The following ARRB1 variants were observed in gnomAD, a reference collection of about 807,000 sequenced individuals.
ARRB1 encodes beta-arrestin-1.
Under a neutral mutation model 56.8 loss-of-function variants are expected in ARRB1, and 21 were observed. The observed-to-expected ratio is 0.37, with a 90% CI of 0.26 to 0.53. ARRB1 has a LOEUF of 0.53. Among genes scored for constraint, ARRB1 ranks in the 20% least tolerant of loss-of-function variants. ARRB1 has a pLI of 0.88. For missense variants in ARRB1, 424 were observed against 553.7 expected (o/e 0.77, Z 2.35); for synonymous variants, 210 against 218.6 (o/e 0.96, Z 0.35).
chr11:75,280,670 C>G (rs1946313098), intron 7 of ARRB1, among the ~76,000 whole-genome samples: 1 of 152,262 alleles, frequency 6.6e-6, no homozygotes, highest in Admixed American at 6.5e-5. Context: ...CATTGACACA[C>G]ACTCCACTCC....
chr11:75,294,345 T>C (rs1257587035), intron 1 of ARRB1, among the ~76,000 whole-genome samples: 1 of 151,878 alleles, frequency 6.6e-6, no homozygotes, highest in African/African-American at 2.4e-5. Flanking sequence ...TCACTTGAGG[T>C]CAGGAGTTCA....
At chr11:75,308,026 G>T (rs1947068755) in intron 1 of ARRB1, among the ~76,000 whole-genome samples, 1 of 152,234 alleles carries the variant, frequency 6.6e-6, no homozygotes, top group Non-Finnish European at 1.5e-5. Context: ...TGGCTAAAGT[G>T]GAATAAAGCA....
rs1426246572 is a variant in ARRB1 at position 75,284,268 on chromosome 11, G to A, written c.124C>T (p.Leu42=). Reference sequence around the variant, plus strand: ...TCTTTGAGATACTCAGGATCCACCAGGACCACACCATCTGGGGAAAGGACA... The same window carrying A: ...TCTTTGAGATACTCAGGATCCACCAAGACCACACCATCTGGGGAAAGGACA... ...DLVDPVDGVV[L]VDPEYLKERR... is the part of the protein sequence containing the mutation. The change falls in exon 4 of 16, where the codon CTG becomes TTG. Residue 42 remains leucine (L), a synonymous_variant. Coordinates refer to ENST00000420843, the MANE Select transcript of ARRB1 (RefSeq NM_004041.5). The A allele has an allele frequency of 1.2e-6, 2 of 1,608,354 alleles. No homozygotes were observed. The highest frequency in any genetic ancestry group is 1.7e-6 in the Non-Finnish European group (2 of 1,176,044).
rs1435475392 is a variant in ARRB1, at chr11:75,262,488, A to G, written c.*3675T>C. On this transcript the variant is annotated 3_prime_UTR_variant, in exon 16 of 16. Coordinates refer to ENST00000420843, the MANE Select transcript of ARRB1 (RefSeq NM_004041.5). ...CTGGTTGACATCTGCCTAAGTGAGA[A>G]GCAGGGCAAGCGATGAAGACTGGTG... The G allele has an allele frequency of 6.6e-6, 1 of 152,264 alleles. No homozygotes were observed. Among genetic ancestry groups the G allele is most frequent in the Non-Finnish European group, 1.5e-5 (1 of 68,060 alleles). The allele number at this position is 152,264 out of a possible 1,614,324, so 9.4% of individuals were successfully genotyped here. A position where few individuals can be genotyped will look rare whatever the true frequency, so the allele number is the denominator to read the frequency against.
chr11:75,266,089 A>G lies in ARRB1; in HGVS notation c.*74T>C, dbSNP rs190287400. 23 of 1,309,900 alleles carry G rather than the reference A, an allele frequency of 1.8e-5. No homozygotes were observed. Among genetic ancestry groups the G allele is most frequent in the Admixed American group, 6.8e-5 (4 of 58,500 alleles). The allele number at this position is 1,309,900 out of a possible 1,614,324, so 81.1% of individuals were successfully genotyped here. A position where few individuals can be genotyped will look rare whatever the true frequency, so the allele number is the denominator to read the frequency against. ...AGAACAAAGGGGAAAAGAAACCAGA[A>G]CAGGAAGAAGACGAGTAAGCATCCG... On this transcript the variant is annotated 3_prime_UTR_variant, in exon 16 of 16. Transcript: ENST00000420843.
In ARRB1 at chr11:75,281,064, A is replaced by C; in HGVS notation, c.482+11T>G. ...CCCAGCAGGCGGCCCACACCCTGGC[A>C]TCCTACTCACCGCTTGTGGATCTTC... is the stretch of plus-strand genomic sequence containing the variant. On this transcript the variant is annotated intron_variant, in intron 7 of 15. Coordinates refer to ENST00000420843, the MANE Select transcript of ARRB1 (RefSeq NM_004041.5). The C allele has an allele frequency of 6.3e-7, 1 of 1,598,476 alleles. No individual in the cohort carries two copies. The highest frequency in any genetic ancestry group is 8.5e-7 in the Non-Finnish European group (1 of 1,171,902).
At chr11:75,343,884 C>T (rs1260393871) in intron 1 of ARRB1, among the ~76,000 whole-genome samples, 5 of 151,848 alleles carry the variant, frequency 3.3e-5, no homozygotes, top group African/African-American at 9.7e-5. Flanking sequence ...GGCGTGATCT[C>T]GGCTCACTGC....
chr11:75,269,955 A>G (rs1390637038), intron 13 of ARRB1, among the ~76,000 whole-genome samples: 1 of 152,242 alleles, frequency 6.6e-6, no homozygotes, highest in African/African-American at 2.4e-5. Flanking sequence ...GGCACAAGCC[A>G]CATCCCACTG....
intron 1 of ARRB1, chr11:75,312,244 C>G (rs1947178643): frequency 2.1e-6 from 2 of 953,294 alleles, no homozygotes; most frequent in Non-Finnish European, 2.9e-6. Context: ...GAACTGAGAA[C>G]AGGCCTGCCC....
At position 75,266,086 on chromosome 11, in the gene ARRB1, A is replaced by G. The variant is rs1235042076; in HGVS notation, c.*77T>C. The G allele has an allele frequency of 1.6e-6, 2 of 1,288,156 alleles. No homozygotes were observed. Among genetic ancestry groups the G allele is most frequent in the Non-Finnish European group, 2.3e-6 (2 of 888,666 alleles). The allele number at this position is 1,288,156 out of a possible 1,614,324, so 79.8% of individuals were successfully genotyped here. ...GGAAGAACAAAGGGGAAAAGAAACC[A>G]GAACAGGAAGAAGACGAGTAAGCAT... On this transcript the variant is annotated 3_prime_UTR_variant, in exon 16 of 16. Coordinates refer to ENST00000420843, the MANE Select transcript of ARRB1 (RefSeq NM_004041.5).
chr11:75,349,150 T>G (rs1238174917), intron 1 of ARRB1, among the ~76,000 whole-genome samples: 3 of 152,184 alleles, frequency 2.0e-5, no homozygotes, highest in Non-Finnish European at 4.4e-5. Context: ...CTTAGCCAAC[T>G]GTCCGGAAAG....
intron 7 of ARRB1, among the ~76,000 whole-genome samples, chr11:75,280,512 T>A (rs1946307049): frequency 6.6e-6 from 1 of 152,224 alleles, no homozygotes; most frequent in Non-Finnish European, 1.5e-5. Context: ...CCGGGCCAGC[T>A]GTTTCTGGCT....
At chr11:75,287,417 C>A in intron 2 of ARRB1, 42 bp from the exon 3 acceptor site, 1 of 1,545,330 alleles carries the variant, frequency 6.5e-7, no homozygotes, top group South Asian at 1.2e-5. Context: ...GCTGCAGGCC[C>A]AGAGGACACA....
chr11:75,327,194 C>T (rs1409270550), intron 1 of ARRB1, among the ~76,000 whole-genome samples: 4 of 143,270 alleles, frequency 2.8e-5, no homozygotes, highest in Non-Finnish European at 3.0e-5. Context: ...CCCAGCTACT[C>T]GGGAGGCTGA....
intron 13 of ARRB1, among the ~76,000 whole-genome samples, chr11:75,270,739 T>G (rs939739290): frequency 7.2e-5 from 11 of 152,062 alleles, no homozygotes; most frequent in Admixed American, 3.3e-4. Context: ...AAGGTTACAG[T>G]GAACCAAGTT....
chr11:75,283,227 CAGAGGGCTTCCT>C, intron 5 of ARRB1, 48 bp downstream of exon 5: 1 of 1,533,234 alleles, frequency 6.5e-7, no homozygotes, highest in Non-Finnish European at 8.8e-7. Context: ...ATGCCCACCC[CAGAGGGCTTCCT>C]AGAGGTGGCA....
At chr11:75,274,334 C>G in intron 10 of ARRB1, 123 bp from the exon 11 acceptor site, 1 of 1,414,492 alleles carries the variant, frequency 7.1e-7, no homozygotes, top group Non-Finnish European at 9.6e-7. Flanking sequence ...AACCTCTGTC[C>G]CCCAGACACA....
At chr11:75,307,122 T>C (rs1947051298) in intron 1 of ARRB1, among the ~76,000 whole-genome samples, 1 of 152,134 alleles carries the variant, frequency 6.6e-6, no homozygotes, top group East Asian at 1.9e-4. Flanking sequence ...CAGTCTCCTG[T>C]AAGGAGTCTC....
chr11:75,268,862 C>T (rs745798686), intron 14 of ARRB1, 27 bp downstream of exon 14: 4 of 1,605,024 alleles, frequency 2.5e-6, no homozygotes, highest in Non-Finnish European at 3.4e-6. Flanking sequence ...AGAACCCCTA[C>T]CCCAGAGACC....
Sources: allele counts gnomAD v4.1 joint callset (sites outside exome capture counted in the v4.1 genomes callset), GRCh38; gene constraint gnomAD v4.1.1; transcripts MANE v1.5; gene names NCBI Gene and HGNC (gene_info 2026-07-23, HGNC 2026-07-21).